Variants in YWHAE observed in about 807,000 individuals in gnomAD.
YWHAE encodes tyrosine 3-monooxygenase/tryptophan 5-monooxygenase activation protein epsilon, also known as 14-3-3 protein epsilon.
YWHAE carries 4 observed loss-of-function variants against 30.1 expected under a neutral mutation model. The observed-to-expected ratio is 0.13, with a 90% CI of 0.07 to 0.30. YWHAE has a LOEUF of 0.30. Ranked by LOEUF, YWHAE falls within the 10% of genes least tolerant of loss-of-function variation. The pLI is 1.00. For synonymous variants in YWHAE, 118 were observed against 111.8 expected (o/e 1.06, Z -0.35); for missense variants, 121 against 315.9 (o/e 0.38, Z 4.68).
At chr17:1,394,060 C>T (rs1254205346) in intron 1 of YWHAE, among the ~76,000 whole-genome samples, 1 of 152,174 alleles carries the variant, frequency 6.6e-6, no homozygotes, top group African/African-American at 2.4e-5. Context: ...CCCTGAAAGG[C>T]ACCACCTTAC....
intron 1 of YWHAE, among the ~76,000 whole-genome samples, chr17:1,377,056 GGTGCCCGCCAAC>G (rs2073136590): frequency 6.6e-6 from 1 of 151,718 alleles, no homozygotes; most frequent in Non-Finnish European, 1.5e-5. Flanking sequence ...TAGGACTACA[GGTGCCCGCCAAC>G]GTGCACGGCT....
chr17:1,396,067 C>T (rs1268185708), intron 1 of YWHAE, among the ~76,000 whole-genome samples: 1 of 151,912 alleles, frequency 6.6e-6, no homozygotes, highest in Non-Finnish European at 1.5e-5. Flanking sequence ...TGCAGTGAGC[C>T]GAGATCGCGC....
chr17:1,361,249 T>C lies in YWHAE; in HGVS notation c.421A>G (p.Arg141Gly). Residue 141 changes from arginine to glycine, a missense_variant, in exon 4 of 6, where the codon AGG becomes GGG. By Grantham distance (125) the Arg-to-Gly change is moderately radical (BLOSUM62 -2). Coordinates refer to ENST00000264335, the MANE Select transcript of YWHAE (RefSeq NM_006761.5). ...AGGCTGTTCTCCGCAGCCTCCTTCC[T>C]GTCGTTTCCTGTGGCAAATTCTGCC... ...YLAEFATGND[R>G]KEAAENSLVA... The C allele has an allele frequency of 6.2e-7, 1 of 1,613,446 alleles. No individual in the cohort carries two copies. The highest frequency in any genetic ancestry group is 1.7e-5 in the Admixed American group (1 of 59,938).
At position 1,357,837 on chromosome 17, in the gene YWHAE, G is replaced by A. The variant is rs188078254; in HGVS notation, c.578+3255C>T. ...AGCTACCTGGGAGGCTGAAGCAGGAGAATCGCTTGAAACCGGGAGGCAGAG... is the reference window on the plus strand; with the variant it reads ...AGCTACCTGGGAGGCTGAAGCAGGAAAATCGCTTGAAACCGGGAGGCAGAG... On this transcript the variant is annotated intron_variant, in intron 4 of 5. Transcript: ENST00000264335. Among the ~76,000 whole-genome samples the A allele has an allele frequency of 8.9e-4, 135 of 151,560 alleles. 1 individual carries two copies. The highest frequency in any genetic ancestry group is 3.2e-3 in the African/African-American group (133 of 41,286).
chr17:1,394,445 A>AAAAAAAAAAAAAAAAAAAC (rs1567987797), intron 1 of YWHAE, among the ~76,000 whole-genome samples: 1 of 142,582 alleles, frequency 7.0e-6, no homozygotes, highest in African/African-American at 2.9e-5. Flanking sequence ...ACAAAAAAAA[A>AAAAAAAAAAAAAAAAAAAC]AAAAAAAAAA....
In YWHAE at chr17:1,347,022, A is replaced by T. The variant is rs2072531797; in HGVS notation, c.716-1523T>A. Among the ~76,000 whole-genome samples, 3 of 147,742 alleles carry T rather than the reference A, an allele frequency of 2.0e-5. No homozygotes were observed. In the Admixed American group the frequency reaches 2.0e-4, roughly 10 times the overall value. ...AAAAAAAAAAGAATAAATAAAACTA[A>T]AAGTAAAAAACTATGTATGCTGGAG... On this transcript the variant is annotated intron_variant, in intron 5 of 5. Coordinates refer to ENST00000264335, the MANE Select transcript of YWHAE (RefSeq NM_006761.5).
rs1242502814 is a variant in YWHAE, at chr17:1,400,129, AG to A, written c.-20del. 10 of 1,613,876 alleles carry A rather than the reference AG, an allele frequency of 6.2e-6. No individual in the cohort carries two copies. In the South Asian group the frequency reaches 9.9e-5, roughly 16 times the overall value. On this transcript the variant is annotated 5_prime_UTR_variant, in exon 1 of 6. Transcript: ENST00000264335. ...CATCCATAGCGGCAGCGGCTCCGGCAGGGTCTGCGCGACGGATGGAAGCGGA... is the reference window on the plus strand; with the variant it reads ...CATCCATAGCGGCAGCGGCTCCGGCAGGTCTGCGCGACGGATGGAAGCGGA...
intron 1 of YWHAE, among the ~76,000 whole-genome samples, chr17:1,374,328 A>T (rs2073092756): frequency 6.6e-6 from 1 of 152,144 alleles, no homozygotes; most frequent in Non-Finnish European, 1.5e-5. Flanking sequence ...GGAAAAAAAA[A>T]AAAAAATCCA....
intron 1 of YWHAE, among the ~76,000 whole-genome samples, chr17:1,387,294 G>A (rs781339541): frequency 2.0e-5 from 3 of 152,148 alleles, no homozygotes; most frequent in Admixed American, 6.5e-5. Context: ...TCATAAACAC[G>A]TTCGGCTGCA....
chr17:1,355,779 A>G (rs546441612), intron 4 of YWHAE, among the ~76,000 whole-genome samples: 2 of 152,180 alleles, frequency 1.3e-5, no homozygotes, highest in East Asian at 1.9e-4. Context: ...TCATGCCTGT[A>G]ATCAGCACAC....
chr17:1,399,200 C>T (rs750668130), intron 1 of YWHAE: 1 of 152,116 alleles, frequency 6.6e-6, no homozygotes, highest in Non-Finnish European at 1.5e-5. Context: ...TGGTTCTATC[C>T]ATCAGAACCC....
chr17:1,373,520 T>C (rs1221652495), intron 1 of YWHAE, among the ~76,000 whole-genome samples: 3 of 151,420 alleles, frequency 2.0e-5, no homozygotes, highest in South Asian at 4.2e-4. Context: ...AATAAAAAAT[T>C]AGCCAGGCAT....
In YWHAE at chr17:1,345,076, CT is replaced by C. The variant is rs1367128649; in HGVS notation, c.*370del. On this transcript the variant is annotated 3_prime_UTR_variant, in exon 6 of 6. Coordinates refer to ENST00000264335, the MANE Select transcript of YWHAE (RefSeq NM_006761.5). The stretch of plus-strand genomic sequence containing the variant: ...TGCCTCTATAGTGTGATTAACCTCT[CT>C]CTTAGATGCTTGCATCACCTATAAG... The C allele has an allele frequency of 3.4e-6, 1 of 296,592 alleles. No homozygotes were observed. Among genetic ancestry groups the C allele is most frequent in the Non-Finnish European group, 6.3e-6 (1 of 158,330 alleles). The allele number at this position is 296,592 out of a possible 1,614,324, so 18.4% of individuals were successfully genotyped here.
At chr17:1,384,463 G>T (rs1011433702) in intron 1 of YWHAE, among the ~76,000 whole-genome samples, 10 of 151,098 alleles carry the variant, frequency 6.6e-5, no homozygotes, top group African/African-American at 1.9e-4. Flanking sequence ...AGGCCAAGGC[G>T]GGCAGATCAC....
intron 1 of YWHAE, among the ~76,000 whole-genome samples, chr17:1,397,416 G>A (rs1272587999): frequency 6.6e-6 from 1 of 152,086 alleles, no homozygotes; most frequent in African/African-American, 2.4e-5. Context: ...TCATTTTCCT[G>A]AACACAGGTT....
intron 1 of YWHAE, among the ~76,000 whole-genome samples, chr17:1,395,937 G>A (rs1464100172): frequency 6.6e-6 from 1 of 152,166 alleles, no homozygotes; most frequent in Non-Finnish European, 1.5e-5. Context: ...TGGCCAACAT[G>A]GCGAAACCCC....
intron 1 of YWHAE, chr17:1,399,084 C>T (rs989421656): frequency 2.6e-5 from 4 of 152,102 alleles, no homozygotes; most frequent in Admixed American, 1.3e-4. Context: ...CAGGTCTTCC[C>T]ATTTGTCATC....
At chr17:1,397,179 G>A (rs185248686) in intron 1 of YWHAE, among the ~76,000 whole-genome samples, 10 of 152,276 alleles carry the variant, frequency 6.6e-5, no homozygotes, top group South Asian at 2.1e-4. Flanking sequence ...GATTACAGGC[G>A]TGAGCCACCC....
At chr17:1,394,436 CAAAAAA>C (rs544115909) in intron 1 of YWHAE, among the ~76,000 whole-genome samples, 2,111 of 58,578 alleles carry the variant, frequency 0.036, 18 homozygotes, top group Non-Finnish European at 0.046. Context: ...CTCAAATCCA[CAAAAAA>C]AAAAAAAAAA....
Sources: allele counts gnomAD v4.1 joint callset (sites outside exome capture counted in the v4.1 genomes callset), GRCh38; gene constraint gnomAD v4.1.1; transcripts MANE v1.5; gene names NCBI Gene and HGNC (gene_info 2026-07-23, HGNC 2026-07-21).